LNP1: variants seen among roughly 807,000 people sequenced by gnomAD.
LNP1 encodes leukemia NUP98 fusion partner 1.
LNP1 carries 12 observed loss-of-function variants against 14.5 expected under a neutral mutation model. That is an observed-to-expected ratio of 0.83 (90% CI 0.53 to 1.34). The LOEUF is 1.34. Among genes scored for constraint, LNP1 ranks in the 40% most tolerant of loss-of-function variants. The pLI, the probability that LNP1 is intolerant of heterozygous loss-of-function variation, is 0.00. For missense variants in LNP1, 198 were observed against 210.9 expected (o/e 0.94, Z 0.38); for synonymous variants, 75 against 71.4 (o/e 1.05, Z -0.26).
At chr3:100,447,062 C>G (rs1707395386) in intron 2 of LNP1, among the ~76,000 whole-genome samples, 1 of 152,138 alleles carries the variant, frequency 6.6e-6, no homozygotes, top group Non-Finnish European at 1.5e-5. Context: ...GGATCTAGAA[C>G]TAGAAATACC....
chr3:100,446,661 G>A (rs1259066797), intron 2 of LNP1, among the ~76,000 whole-genome samples: 2 of 152,134 alleles, frequency 1.3e-5, no homozygotes, highest in African/African-American at 2.4e-5. Context: ...GAGTGAAGAG[G>A]CAACCTACAG....
chr3:100,416,372 A>G (rs1707083369), intron 1 of LNP1, among the ~76,000 whole-genome samples: 1 of 152,176 alleles, frequency 6.6e-6, no homozygotes, highest in South Asian at 2.1e-4. Flanking sequence ...TATTTCCTGC[A>G]ACAGACCAGG....
At chr3:100,425,119 A>C (rs1397341835) in intron 1 of LNP1, among the ~76,000 whole-genome samples, 2 of 152,180 alleles carry the variant, frequency 1.3e-5, no homozygotes, top group Non-Finnish European at 2.9e-5. Flanking sequence ...AGATAGGTAC[A>C]CAGGAAGGAC....
intron 1 of LNP1, among the ~76,000 whole-genome samples, chr3:100,418,813 G>A (rs1468410322): frequency 6.6e-6 from 1 of 152,164 alleles, no homozygotes; most frequent in African/African-American, 2.4e-5. Flanking sequence ...AGTTTATGGT[G>A]GCTGGACAGT....
chr3:100,451,460 T>A (rs1253979204), intron 2 of LNP1, among the ~76,000 whole-genome samples: 1 of 152,180 alleles, frequency 6.6e-6, no homozygotes, highest in Non-Finnish European at 1.5e-5. Flanking sequence ...TATGTGTTTG[T>A]CTCAATGCAT....
chr3:100,437,561 C>G (rs965712233), intron 2 of LNP1, among the ~76,000 whole-genome samples: 20 of 152,154 alleles, frequency 1.3e-4, no homozygotes, highest in African/African-American at 3.9e-4. Context: ...TTTATTATTT[C>G]TCAAAGAACT....
At chr3:100,403,984 T>G (rs1435061155) in intron 1 of LNP1, among the ~76,000 whole-genome samples, 3 of 152,242 alleles carry the variant, frequency 2.0e-5, no homozygotes, top group East Asian at 3.8e-4. Flanking sequence ...CAAATCTGCT[T>G]ATATTAAGCA....
At chr3:100,443,396 T>C (rs1576235536) in intron 2 of LNP1, among the ~76,000 whole-genome samples, 1 of 152,374 alleles carries the variant, frequency 6.6e-6, no homozygotes, top group Admixed American at 6.5e-5. Flanking sequence ...TGCTTTATTA[T>C]ACTTGGCCTA....
At chr3:100,416,330 A>G (rs1707083156) in intron 1 of LNP1, among the ~76,000 whole-genome samples, 1 of 152,212 alleles carries the variant, frequency 6.6e-6, no homozygotes. Flanking sequence ...CTTGTTCTAT[A>G]TTATGTCAAG....
rs201990607 is a variant in LNP1, at chr3:100,451,772, T to C, written c.210T>C (p.Ser70=). 282 of 1,614,086 alleles carry C rather than the reference T, an allele frequency of 1.7e-4. 2 individuals carry two copies. The African/African-American group carries it at 3.4e-3, about 20-fold the overall frequency. Residue 70 remains serine, a synonymous_variant, in exon 3 of 4, where the codon TCT becomes TCC. Transcript: ENST00000383693. ...PSSDCHPRRH[S]HEDQEFRCRS... The stretch of plus-strand genomic sequence containing the variant: ...CTGACTGCCATCCTAGAAGGCATTC[T>C]CATGAGGACCAAGAATTTCGATGCC...
intron 3 of LNP1, among the ~76,000 whole-genome samples, chr3:100,452,545 A>G (rs558798169): frequency 6.6e-6 from 1 of 152,138 alleles, no homozygotes; most frequent in Non-Finnish European, 1.5e-5. Context: ...ACCTTATTAT[A>G]AATAATTGTA....
chr3:100,402,882 G>A (rs1706926280), intron 1 of LNP1, among the ~76,000 whole-genome samples: 1 of 152,162 alleles, frequency 6.6e-6, no homozygotes. Flanking sequence ...TCTCCAAAGG[G>A]AATCGGTGTT....
chr3:100,445,876 G>A (rs1287408163), intron 2 of LNP1, among the ~76,000 whole-genome samples: 1 of 151,988 alleles, frequency 6.6e-6, no homozygotes. Context: ...AAAATACCTA[G>A]GAATCCAACT....
chr3:100,433,451 C>G (rs1354382968), intron 2 of LNP1, among the ~76,000 whole-genome samples: 1 of 152,160 alleles, frequency 6.6e-6, no homozygotes, highest in African/African-American at 2.4e-5. Context: ...ACCACATTTT[C>G]TTTATCCACT....
chr3:100,422,157 C>T (rs1004699557), intron 1 of LNP1, among the ~76,000 whole-genome samples: 2 of 150,282 alleles, frequency 1.3e-5, no homozygotes, highest in Admixed American at 1.3e-4. Flanking sequence ...AAGTATAGCA[C>T]ACTGATGAAC....
chr3:100,455,393 A>G (rs564364043), intron 3 of LNP1, among the ~76,000 whole-genome samples: 8 of 152,340 alleles, frequency 5.3e-5, no homozygotes, highest in African/African-American at 1.9e-4. Flanking sequence ...AAAGTAATTT[A>G]AGGGAGTGAA....
intron 2 of LNP1, among the ~76,000 whole-genome samples, chr3:100,436,661 A>G (rs915765367): frequency 6.6e-6 from 1 of 152,048 alleles, no homozygotes; most frequent in African/African-American, 2.4e-5. Context: ...TTACAATGGG[A>G]AGATAATTGG....
At chr3:100,448,705 CT>C (rs1576237186) in intron 2 of LNP1, among the ~76,000 whole-genome samples, 1 of 151,872 alleles carries the variant, frequency 6.6e-6, no homozygotes. Context: ...TTCTTTTTTC[CT>C]GATAAAGTAT....
At chr3:100,434,990 G>A (rs1313541773) in intron 2 of LNP1, among the ~76,000 whole-genome samples, 2 of 152,052 alleles carry the variant, frequency 1.3e-5, no homozygotes, top group Admixed American at 1.3e-4. Context: ...CTCACTACAG[G>A]GCAGGTGGGG....
Sources: allele counts gnomAD v4.1 joint callset (sites outside exome capture counted in the v4.1 genomes callset), GRCh38; gene constraint gnomAD v4.1.1; transcripts MANE v1.5; gene names NCBI Gene and HGNC (gene_info 2026-07-23, HGNC 2026-07-21).